Variants in THSD7A observed in about 807,000 individuals in gnomAD.
THSD7A encodes the protein thrombospondin type 1 domain containing 7A.
In THSD7A, 96 loss-of-function variants were observed where a neutral mutation model predicts 231.3. The observed-to-expected ratio is 0.41, with a 90% CI of 0.35 to 0.49. The LOEUF is 0.49. Ranked by LOEUF, THSD7A falls within the 20% of genes least tolerant of loss-of-function variation. The pLI is 0.05. For missense variants in THSD7A, 2,290 were observed against 2,070.2 expected (o/e 1.11, Z -2.06); for synonymous variants, 940 against 743.3 (o/e 1.26, Z -4.30).
chr7:11,600,930 C>T (rs965339789), intron 2 of THSD7A, among the ~76,000 whole-genome samples: 3 of 152,160 alleles, frequency 2.0e-5, no homozygotes, highest in African/African-American at 4.8e-5. Context: ...TAAAAGGGCT[C>T]TGTGAGTCAG....
chr7:11,407,514 A>C (rs1246868585), intron 19 of THSD7A, 91 bp from the exon 20 acceptor site: 8 of 881,664 alleles, frequency 9.1e-6, no homozygotes, highest in Non-Finnish European at 1.4e-5. Flanking sequence ...AAGGAGGGAG[A>C]AAAAGCAAGC....
chr7:11,589,859 C>G (rs1780082542), intron 4 of THSD7A, among the ~76,000 whole-genome samples: 1 of 152,058 alleles, frequency 6.6e-6, no homozygotes, highest in Non-Finnish European at 1.5e-5. Context: ...TTTGTATTCA[C>G]TTATTCTTTT....
At position 11,380,973 on chromosome 7, in the gene THSD7A, T is replaced by C. The variant is rs576439507; in HGVS notation, c.4508-1261A>G. Among the ~76,000 whole-genome samples, 7 of 152,254 alleles carry C rather than the reference T, an allele frequency of 4.6e-5. No individual in the cohort carries two copies. In the South Asian group the frequency reaches 1.5e-3, roughly 32 times the overall value. On this transcript the variant is annotated intron_variant, in intron 24 of 27. Transcript: ENST00000423059. ...ATTGCAGTGGAAAAAGAGTTTTGAA[T>C]ATGTAGAAGAAAAGTCAGGTAAATA...
intron 6 of THSD7A, among the ~76,000 whole-genome samples, chr7:11,525,852 A>G (rs975581012): frequency 6.6e-6 from 1 of 152,266 alleles, no homozygotes; most frequent in Non-Finnish European, 1.5e-5. Context: ...TCTAAAACAT[A>G]TGGATATACA....
chr7:11,710,146 A>C (rs1478625039), intron 1 of THSD7A, among the ~76,000 whole-genome samples: 1 of 150,846 alleles, frequency 6.6e-6, no homozygotes, highest in African/African-American at 2.4e-5. Context: ...GGTTTCAGTA[A>C]GTATAGGGTG....
chr7:11,401,694 G>A (rs987962474), intron 23 of THSD7A, 101 bp downstream of exon 23: 11 of 1,110,614 alleles, frequency 9.9e-6, no homozygotes, highest in Admixed American at 3.0e-5. Context: ...TTACAGGCGT[G>A]AGCCACCGCA....
In THSD7A at chr7:11,693,132, G is replaced by A. The variant is rs994818855; in HGVS notation, c.191-56171C>T. 8.8e-4 allele frequency among the ~76,000 whole-genome samples: 133 copies of A among 151,576 alleles called. 1 individual carries two copies. Among genetic ancestry groups the A allele is most frequent in the African/African-American group, 3.1e-3 (128 of 41,444 alleles). The stretch of plus-strand genomic sequence containing the variant: ...ATAAACTTGTCCCTAAACTTTTCAG[G>A]AAACACCTTAAAGAGAATTTAAAGT... On this transcript the variant is annotated intron_variant, in intron 1 of 27. Coordinates refer to ENST00000423059, the MANE Select transcript of THSD7A (RefSeq NM_015204.3).
At chr7:11,802,647 T>C (rs2128181907) in intron 1 of THSD7A, among the ~76,000 whole-genome samples, 1 of 152,310 alleles carries the variant, frequency 6.6e-6, no homozygotes, top group African/African-American at 2.4e-5. Flanking sequence ...TTTAAGCAAG[T>C]TAGTTAACAT....
intron 1 of THSD7A, among the ~76,000 whole-genome samples, chr7:11,642,931 T>C (rs1238720446): frequency 6.6e-6 from 1 of 152,090 alleles, no homozygotes; most frequent in Non-Finnish European, 1.5e-5. Flanking sequence ...TATTCAACAT[T>C]GACTTCTCTA....
chr7:11,538,808 C>A (rs973792138), intron 6 of THSD7A, among the ~76,000 whole-genome samples: 4 of 152,106 alleles, frequency 2.6e-5, no homozygotes, highest in African/African-American at 4.8e-5. Context: ...GGGTCTCTTA[C>A]AACCCTCCCC....
intron 6 of THSD7A, among the ~76,000 whole-genome samples, chr7:11,495,594 G>A (rs920175354): frequency 2.0e-5 from 3 of 151,930 alleles, no homozygotes; most frequent in East Asian, 3.9e-4. Flanking sequence ...TTCTAGCATC[G>A]TATGCCAAGA....
At chr7:11,480,843 C>T (rs956399623) in intron 7 of THSD7A, among the ~76,000 whole-genome samples, 2 of 152,094 alleles carry the variant, frequency 1.3e-5, no homozygotes, top group Non-Finnish European at 1.5e-5. Flanking sequence ...CACAAAACTC[C>T]CCCCAAATCG....
chr7:11,478,758 A>T (rs1389130802), intron 7 of THSD7A, among the ~76,000 whole-genome samples: 1 of 152,150 alleles, frequency 6.6e-6, no homozygotes, highest in Non-Finnish European at 1.5e-5. Context: ...TATCTACTGG[A>T]TTGGGGCCAT....
chr7:11,715,412 A>C (rs1488561730), intron 1 of THSD7A, among the ~76,000 whole-genome samples: 1 of 151,456 alleles, frequency 6.6e-6, no homozygotes, highest in Non-Finnish European at 1.5e-5. Context: ...AATGCCTAAA[A>C]ATAATTTTAA....
chr7:11,493,110 A>G (rs1426556966), intron 6 of THSD7A, among the ~76,000 whole-genome samples: 1 of 152,078 alleles, frequency 6.6e-6, no homozygotes, highest in East Asian at 1.9e-4. Context: ...AACATTTGTA[A>G]GAATTTGTAA....
chr7:11,689,770 C>T (rs1030719005), intron 1 of THSD7A, among the ~76,000 whole-genome samples: 8 of 149,158 alleles, frequency 5.4e-5, no homozygotes, highest in African/African-American at 2.0e-4. Flanking sequence ...ATGTATGGTG[C>T]CTACTCCAAT....
At chr7:11,730,605 A>G (rs953918851) in intron 1 of THSD7A, among the ~76,000 whole-genome samples, 14 of 151,666 alleles carry the variant, frequency 9.2e-5, no homozygotes, top group African/African-American at 2.2e-4. Flanking sequence ...TTTCTTCTGC[A>G]TCTTACTCTC....
chr7:11,683,757 G>T (rs978929448), intron 1 of THSD7A, among the ~76,000 whole-genome samples: 12 of 151,908 alleles, frequency 7.9e-5, no homozygotes, highest in Admixed American at 2.0e-4. Flanking sequence ...AAAAAGCCCT[G>T]TACCAGATGA....
At chr7:11,684,612 C>A (rs1162860757) in intron 1 of THSD7A, among the ~76,000 whole-genome samples, 1 of 151,784 alleles carries the variant, frequency 6.6e-6, no homozygotes, top group Non-Finnish European at 1.5e-5. Context: ...GAAACCAAAT[C>A]AAGAATGCAA....
Sources: allele counts gnomAD v4.1 joint callset (sites outside exome capture counted in the v4.1 genomes callset), GRCh38; gene constraint gnomAD v4.1.1; transcripts MANE v1.5; gene names NCBI Gene and HGNC (gene_info 2026-07-23, HGNC 2026-07-21).